FPGS: variants seen among roughly 807,000 people sequenced by gnomAD.
FPGS encodes the protein folylpolyglutamate synthase.
A neutral mutation model predicts 66.5 loss-of-function variants in FPGS; 53 were observed. The ratio of observed to expected loss-of-function variants is 0.80; its 90% CI spans 0.64 to 1.00. The LOEUF (loss-of-function observed/expected upper bound fraction) is 1.00. Ranked by LOEUF, FPGS falls within the 50% of genes least tolerant of loss-of-function variation. The pLI is 0.00. For missense variants in FPGS, 702 were observed against 807.7 expected (o/e 0.87, Z 1.59); for synonymous variants, 348 against 350.9 (o/e 0.99, Z 0.09).
Position 127,804,529 on chromosome 9 carries a change from C to CT in FPGS, c.298_299insT (p.His100LeufsTer30). ...GGACTTGGACCGGCTGAACATCATC[C>CT]ACGTCACTGGGACGAAGGGGAAGGT... On this transcript the variant is annotated frameshift_variant, in exon 3 of 15. Transcript: ENST00000373247. LOFTEE classifies it high-confidence loss of function. The CT allele has an allele frequency of 6.2e-7, 1 of 1,614,192 alleles. No individual in the cohort carries two copies.
intron 4 of FPGS, among the ~76,000 whole-genome samples, chr9:127,805,168 TG>T (rs1424720234): frequency 1.3e-5 from 2 of 152,004 alleles, no homozygotes; most frequent in African/African-American, 4.8e-5. Flanking sequence ...GGATTACAGG[TG>T]TGAGCCACGG....
chr9:127,805,360 T>C (rs1420395542), intron 4 of FPGS, among the ~76,000 whole-genome samples: 2 of 151,442 alleles, frequency 1.3e-5, no homozygotes, highest in African/African-American at 4.9e-5. Context: ...CAGTTAGCAG[T>C]GATCATGCCA....
chr9:127,811,968 A>G (rs1256986711), intron 14 of FPGS, among the ~76,000 whole-genome samples: 1 of 152,080 alleles, frequency 6.6e-6, no homozygotes, highest in East Asian at 1.9e-4. Flanking sequence ...AAAGTTTGAA[A>G]TAGTGTAAAA....
chr9:127,812,134 A>G lies in FPGS; in HGVS notation c.1355-1061A>G, dbSNP rs112099237. Among the ~76,000 whole-genome samples, 51 of 152,142 alleles carry G rather than the reference A, an allele frequency of 3.4e-4. 1 individual carries two copies. Among genetic ancestry groups the G allele is most frequent in the African/African-American group, 1.2e-3 (50 of 41,504 alleles). ...TGTGGTGGTGTACACCCGTGGTCCT[A>G]GCTACTCAGGAGGCTGAAGTGGAAG... On this transcript the variant is annotated intron_variant, in intron 14 of 14. Coordinates refer to ENST00000373247, the MANE Select transcript of FPGS (RefSeq NM_004957.6).
chr9:127,813,454 T>C lies in FPGS; in HGVS notation c.1614T>C (p.Pro538=). The part of the protein sequence containing the change: ...SQGRDPIFQP[P]SPPKGLLTHP... ...GCCGAGACCCCATCTTCCAGCCACCTAGTCCCCCAAAGGGCCTCCTCACCC... is the reference window on the plus strand; with the variant it reads ...GCCGAGACCCCATCTTCCAGCCACCCAGTCCCCCAAAGGGCCTCCTCACCC... Residue 538 remains proline (P), a synonymous_variant, in exon 15 of 15, where the codon CCT becomes CCC. Coordinates refer to ENST00000373247, the MANE Select transcript of FPGS (RefSeq NM_004957.6). The C allele has an allele frequency of 6.2e-7, 1 of 1,612,586 alleles. No individual in the cohort carries two copies. The highest frequency in any genetic ancestry group is 1.3e-5 in the African/African-American group (1 of 75,042).
Position 127,806,974 on chromosome 9 carries a change from T to TG in FPGS, c.388_389insG (p.Ser130CysfsTer21). On this transcript the variant is annotated frameshift_variant and splice_region_variant, in exon 5 of 15. Transcript: ENST00000373247. LOFTEE classifies it high-confidence loss of function. ...TGATGACCCCAGCTGTCCCGGCAGCTCTCCCCACCTGGTGCAGGTTCGGGA... is the reference window on the plus strand; with the variant it reads ...TGATGACCCCAGCTGTCCCGGCAGCTGCTCCCCACCTGGTGCAGGTTCGGGA... 1 of 1,613,248 alleles carries TG rather than the reference T, an allele frequency of 6.2e-7. No homozygotes were observed. Among genetic ancestry groups the TG allele is most frequent in the Non-Finnish European group, 8.5e-7 (1 of 1,179,460 alleles).
chr9:127,809,750 T>C lies in FPGS; in HGVS notation c.1127T>C (p.Leu376Pro). The C allele has an allele frequency of 6.3e-7, 1 of 1,575,058 alleles. No individual in the cohort carries two copies. Among genetic ancestry groups the C allele is most frequent in the Non-Finnish European group, 8.6e-7 (1 of 1,169,334 alleles). The change falls in exon 12 of 15, where the codon CTG becomes CCG. Residue 376 changes from leucine to proline, a missense_variant. Transcript: ENST00000373247. Reference sequence around the variant, plus strand: ...CGGCGCGGGCCCCTCACCTGGTACCTGGACGGTGCGCACACCGCCAGCAGC... The same window carrying C: ...CGGCGCGGGCCCCTCACCTGGTACCCGGACGGTGCGCACACCGCCAGCAGC... ...VLRRGPLTWYLDGAHTASSAQ... is the reference protein window; with the variant it reads ...VLRRGPLTWYPDGAHTASSAQ...
At chr9:127,805,393 G>A (rs538057586) in intron 4 of FPGS, among the ~76,000 whole-genome samples, 2 of 151,332 alleles carry the variant, frequency 1.3e-5, no homozygotes, top group African/African-American at 4.9e-5. Flanking sequence ...CTGGGCGACA[G>A]AGCAAACTGC....
At chr9:127,812,322 AT>A (rs35879553) in intron 14 of FPGS, among the ~76,000 whole-genome samples, 7,514 of 138,544 alleles carry the variant, frequency 0.054, 591 homozygotes, top group African/African-American at 0.18. Flanking sequence ...TGGAATCTGC[AT>A]TTTTTTTTTT....
chr9:127,813,152 T>C (rs1298689840), intron 14 of FPGS, 43 bp from the exon 15 acceptor site: 2 of 1,520,906 alleles, frequency 1.3e-6, no homozygotes, highest in African/African-American at 2.8e-5. Context: ...TGTCCCTTAC[T>C]CCCTCTCCCC....
At position 127,807,427 on chromosome 9, in the gene FPGS, C is replaced by T; in HGVS notation, c.586C>T (p.Leu196=). 6.2e-7 allele frequency: 1 copy of T among 1,614,054 alleles called. No individual in the cohort carries two copies. Among genetic ancestry groups the T allele is most frequent in the African/African-American group, 1.3e-5 (1 of 75,060 alleles). The change falls in exon 7 of 15, where the codon CTG becomes TTG. Residue 196 remains leucine (L), a synonymous_variant. Transcript: ENST00000373247. The surrounding 1 kb of genome is among the most constrained non-coding windows in gnomAD (Gnocchi z 5.8). ...GCCCTCTGGTCTTTGACAGGTGGAC[C>T]TGGCAGTGGTGGAGGTGGGCATTGG... ...FHVFLQEKVD[L]AVVEVGIGGA... is the part of the protein sequence containing the mutation.
In FPGS at chr9:127,813,241, C is replaced by A; in HGVS notation, c.1401C>A (p.Cys467Ter). Residue 467 changes from cysteine (C) to a stop codon, truncating the protein, a stop_gained, in exon 15 of 15, where the codon TGC becomes TGA. Coordinates refer to ENST00000373247, the MANE Select transcript of FPGS (RefSeq NM_004957.6). LOFTEE classifies it low-confidence loss of function (END_TRUNC). ...CACTGGACCAGGTCCTGCTCCGCTGCCTGGAACACCAGCAGCACTGGAACC... is the reference window on the plus strand; with the variant it reads ...CACTGGACCAGGTCCTGCTCCGCTGACTGGAACACCAGCAGCACTGGAACC... ...TVTLDQVLLR[C>*]LEHQQHWNHL... 1 of 1,609,882 alleles carries A rather than the reference C, an allele frequency of 6.2e-7. No homozygotes were observed. Among genetic ancestry groups the A allele is most frequent in the Non-Finnish European group, 8.5e-7 (1 of 1,177,934 alleles).
chr9:127,814,212 CCTGT>C (rs1431064741), downstream of FPGS: 6 of 954,388 alleles, frequency 6.3e-6, no homozygotes, highest in African/African-American at 7.1e-5. Flanking sequence ...CCTCAGGTGG[CCTGT>C]CTGTGAGATG....
At chr9:127,814,233 A>C (rs41483150), downstream of FPGS, 5,536 of 837,832 alleles carry the variant, frequency 6.6e-3, 103 homozygotes, top group African/African-American at 0.055. Flanking sequence ...GATGAGAAGA[A>C]GACCAGACTG....
At position 127,813,967 on chromosome 9, in the gene FPGS, T is replaced by A; in HGVS notation, c.*363T>A. ...ATGTGCTGGGTGGTAGATTTCCTCCTCCCAGTGCCTTCTGGGAAGGGAGAG... is the reference window on the plus strand; with the variant it reads ...ATGTGCTGGGTGGTAGATTTCCTCCACCCAGTGCCTTCTGGGAAGGGAGAG... On this transcript the variant is annotated 3_prime_UTR_variant, in exon 15 of 15. Transcript: ENST00000373247. 2 of 1,067,026 alleles carry A rather than the reference T, an allele frequency of 1.9e-6. No individual in the cohort carries two copies. Among genetic ancestry groups the A allele is most frequent in the Non-Finnish European group, 2.3e-6 (2 of 883,622 alleles). 66.1% of individuals were successfully genotyped at this position (1,067,026 alleles called of 1,614,324 possible).
chr9:127,805,811 T>C (rs1195770322), intron 4 of FPGS, among the ~76,000 whole-genome samples: 1 of 152,172 alleles, frequency 6.6e-6, no homozygotes, highest in Non-Finnish European at 1.5e-5. Context: ...CACTGTGGCT[T>C]TGCCCTGGGG....
downstream of FPGS, chr9:127,814,194 C>T (rs1481203986): frequency 2.0e-6 from 2 of 978,582 alleles, no homozygotes; most frequent in Non-Finnish European, 2.4e-6. Context: ...TCCCTCCCTC[C>T]CTGTGCGCCT....
Position 127,813,298 on chromosome 9 carries a change from C to G in FPGS, c.1458C>G (p.Leu486=). ...HLDEEQASPD[L]WSAPSPEPGG... Reference sequence around the variant, plus strand: ...ACGAAGAGCAGGCCAGCCCGGACCTCTGGAGTGCCCCCAGCCCAGAGCCCG... The same window carrying G: ...ACGAAGAGCAGGCCAGCCCGGACCTGTGGAGTGCCCCCAGCCCAGAGCCCG... The change falls in exon 15 of 15, where the codon CTC becomes CTG. Residue 486 remains leucine (L), a synonymous_variant. Transcript: ENST00000373247. The G allele has an allele frequency of 6.2e-7, 1 of 1,613,220 alleles. No individual in the cohort carries two copies. The highest frequency in any genetic ancestry group is 8.5e-7 in the Non-Finnish European group (1 of 1,179,984).
intron 14 of FPGS, 92 bp from the exon 15 acceptor site, chr9:127,813,103 A>T: frequency 6.7e-7 from 1 of 1,489,872 alleles, no homozygotes; most frequent in Non-Finnish European, 8.9e-7. Context: ...CTTGGTGCGA[A>T]GCAGGTGCTC....
Sources: allele counts gnomAD v4.1 joint callset (sites outside exome capture counted in the v4.1 genomes callset), GRCh38; gene constraint gnomAD v4.1.1; non-coding constraint Gnocchi (gnomAD v3.1); transcripts MANE v1.5; gene names NCBI Gene and HGNC (gene_info 2026-07-23, HGNC 2026-07-21).